MAD1L1: variants seen among roughly 807,000 people sequenced by gnomAD.
MAD1L1 encodes the protein mitotic arrest deficient 1 like 1, also known as mitotic spindle assembly checkpoint protein MAD1.
In MAD1L1, 95 loss-of-function variants were observed where a neutral mutation model predicts 96.9. The ratio of observed to expected loss-of-function variants is 0.98; its 90% CI spans 0.83 to 1.16. MAD1L1 has a LOEUF of 1.16. MAD1L1 is among the 50% of genes most tolerant of loss of function. MAD1L1 has a pLI of 0.00. For missense variants in MAD1L1, 1,007 were observed against 954.4 expected, an observed-to-expected ratio of 1.06 and a Z score of -0.73; for synonymous variants, 473 against 396.6, an observed-to-expected ratio of 1.19 and a Z score of -2.29.
At chr7:2,023,488 G>GA (rs1782872054) in intron 12 of MAD1L1, among the ~76,000 whole-genome samples, 1 of 152,076 alleles carries the variant, frequency 6.6e-6, no homozygotes, top group South Asian at 2.1e-4. Context: ...ACAAGAAAAT[G>GA]AAAATACAAC....
intron 10 of MAD1L1, among the ~76,000 whole-genome samples, chr7:2,165,118 C>T (rs1381144002): frequency 6.6e-6 from 1 of 151,842 alleles, no homozygotes; most frequent in African/African-American, 2.4e-5. Flanking sequence ...GCAGGAGAAT[C>T]GCCTCAACCC....
rs1693520144 is a variant in MAD1L1 at position 2,114,558 on chromosome 7, G to A, written c.1073+34594C>T. The stretch of plus-strand genomic sequence containing the variant: ...CCCAAGCCGACGTCACGTGGCAGAA[G>A]GATCTTCATGAAGATGAGCATGGCT... On this transcript the variant is annotated intron_variant, in intron 11 of 18. Transcript: ENST00000265854. This position sits in a 1 kb window ranked among gnomAD's most constrained non-coding sequence, Gnocchi z 4.2. 6.6e-6 allele frequency among the ~76,000 whole-genome samples: 1 copy of A among 152,256 alleles called. No individual in the cohort carries two copies. The highest frequency in any genetic ancestry group is 6.5e-5 in the Admixed American group (1 of 15,290).
At chr7:2,200,512 C>CA (rs138274628) in intron 10 of MAD1L1, 21,714 of 152,302 alleles carry the variant, frequency 0.14, 2,942 homozygotes, top group African/African-American at 0.35. Context: ...CCAGGTAAGA[C>CA]ACGCACACGG....
intron 5 of MAD1L1, among the ~76,000 whole-genome samples, chr7:2,220,016 C>T (rs1173278328): frequency 1.3e-5 from 2 of 152,220 alleles, no homozygotes; most frequent in African/African-American, 4.8e-5. Flanking sequence ...ATACCCGCCA[C>T]ACCATCACTT....
At chr7:1,822,864 G>T (rs1272413140) in intron 18 of MAD1L1, among the ~76,000 whole-genome samples, 1 of 151,926 alleles carries the variant, frequency 6.6e-6, no homozygotes, top group African/African-American at 2.4e-5. Flanking sequence ...GCGTTATACG[G>T]CTCCTACGTC....
chr7:1,985,982 G>A (rs2128486521), intron 14 of MAD1L1, among the ~76,000 whole-genome samples: 1 of 152,324 alleles, frequency 6.6e-6, no homozygotes, highest in South Asian at 2.1e-4. Context: ...GTTTTTCTGT[G>A]AAACTTTTTC....
intron 18 of MAD1L1, chr7:1,874,507 T>C (rs1392241169): frequency 4.4e-6 from 2 of 455,288 alleles, no homozygotes; most frequent in Non-Finnish European, 4.4e-6. Flanking sequence ...TTGATAATCC[T>C]ATAGCTTTCC....
chr7:2,162,964 A>C (rs1406904614), intron 10 of MAD1L1, among the ~76,000 whole-genome samples: 1 of 151,314 alleles, frequency 6.6e-6, no homozygotes, highest in Admixed American at 6.6e-5. Flanking sequence ...TCATCTTCCC[A>C]GACCTTACAA....
At chr7:2,082,185 C>T (rs1270123195) in intron 11 of MAD1L1, among the ~76,000 whole-genome samples, 6 of 151,598 alleles carry the variant, frequency 4.0e-5, no homozygotes, top group Admixed American at 6.6e-5. Flanking sequence ...GGGGAGGGGA[C>T]GGGGACCAGG....
At chr7:2,179,289 G>C (rs887334915) in intron 10 of MAD1L1, among the ~76,000 whole-genome samples, 6 of 152,044 alleles carry the variant, frequency 3.9e-5, no homozygotes, top group East Asian at 3.9e-4. Context: ...CAGCACTTTG[G>C]GAGGCCGAGG....
At chr7:2,228,338 A>C (rs772059373) in intron 3 of MAD1L1, among the ~76,000 whole-genome samples, 2 of 151,708 alleles carry the variant, frequency 1.3e-5, no homozygotes, top group Non-Finnish European at 2.9e-5. Flanking sequence ...GGCTCACTGC[A>C]ACCTCCGCCT....
At chr7:1,816,936 C>T (rs1403113173) in intron 18 of MAD1L1, 6 of 152,480 alleles carry the variant, frequency 3.9e-5, no homozygotes, top group Non-Finnish European at 5.8e-5. Context: ...GACACAAACC[C>T]GGCCCACCAC....
intron 10 of MAD1L1, among the ~76,000 whole-genome samples, chr7:2,194,634 T>C (rs986697083): frequency 6.6e-6 from 1 of 152,190 alleles, no homozygotes; most frequent in Non-Finnish European, 1.5e-5. Context: ...TTACTATTAA[T>C]ACCCAGCCCT....
chr7:1,981,058 G>A (rs569158611), intron 14 of MAD1L1, among the ~76,000 whole-genome samples: 3 of 152,218 alleles, frequency 2.0e-5, no homozygotes, highest in East Asian at 3.9e-4. Flanking sequence ...CCTCCACCTC[G>A]CAGGTTCAAG....
At chr7:1,939,290 G>A (rs921159905) in intron 16 of MAD1L1, among the ~76,000 whole-genome samples, 1 of 150,218 alleles carries the variant, frequency 6.7e-6, no homozygotes. Context: ...GCCAGGGCCG[G>A]GGCCAGCGGT....
intron 11 of MAD1L1, among the ~76,000 whole-genome samples, chr7:2,081,836 G>A (rs536729277): frequency 6.6e-5 from 10 of 152,376 alleles, no homozygotes; most frequent in Non-Finnish European, 1.3e-4. Context: ...CTGCCGTCAG[G>A]GTGGGGAGGC....
chr7:2,061,939 C>T lies in MAD1L1; in HGVS notation c.1218+7255G>A, dbSNP rs141787556. On this transcript the variant is annotated intron_variant, in intron 12 of 18. Coordinates refer to ENST00000265854, the MANE Select transcript of MAD1L1 (RefSeq NM_001013836.2). The stretch of plus-strand genomic sequence containing the variant: ...ACAGGTATGTGATTCCAATATGTGA[C>T]GCTTAAAAACAGGGAAGTGGGCCAG... 1.6e-4 allele frequency among the ~76,000 whole-genome samples: 24 copies of T among 152,252 alleles called. No individual in the cohort carries two copies. The East Asian group carries it at 2.3e-3, about 15-fold the overall frequency.
At chr7:2,079,312 T>C (rs1300637832) in intron 11 of MAD1L1, among the ~76,000 whole-genome samples, 3 of 152,158 alleles carry the variant, frequency 2.0e-5, no homozygotes. Context: ...ATTTACTCTA[T>C]CTAATCCCAA....
intron 18 of MAD1L1, among the ~76,000 whole-genome samples, chr7:1,821,479 C>G (rs1360600747): frequency 6.6e-6 from 1 of 152,036 alleles, no homozygotes; most frequent in African/African-American, 2.4e-5. Flanking sequence ...GGATGGTGCG[C>G]ACACAAAGAA....
Sources: allele counts gnomAD v4.1 joint callset (sites outside exome capture counted in the v4.1 genomes callset), GRCh38; gene constraint gnomAD v4.1.1; non-coding constraint Gnocchi (gnomAD v3.1); transcripts MANE v1.5; gene names NCBI Gene and HGNC (gene_info 2026-07-23, HGNC 2026-07-21).